Variants in RGS5 observed in about 807,000 individuals in gnomAD.
RGS5 encodes regulator of G protein signaling 5, also known as regulator of G-protein signalling 5.
In RGS5, 20 loss-of-function variants were observed where a neutral mutation model predicts 18.9. The observed-to-expected ratio is 1.06, with a 90% CI of 0.74 to 1.54. The LOEUF is 1.54. RGS5 is among the 40% of genes most tolerant of loss of function. RGS5 has a pLI of 0.00. For synonymous variants in RGS5, 57 were observed against 76.2 expected, an observed-to-expected ratio of 0.75 and a Z score of 1.31; for missense variants, 201 against 211.8, an observed-to-expected ratio of 0.95 and a Z score of 0.32.
intron 2 of RGS5, among the ~76,000 whole-genome samples, chr1:163,229,831 C>T (rs988032449): frequency 1.3e-5 from 2 of 152,190 alleles, no homozygotes; most frequent in African/African-American, 4.8e-5. Flanking sequence ...TGATTACTCC[C>T]ACTAACATTT....
chr1:163,151,071 A>G (rs1657352580), intron 4 of RGS5, among the ~76,000 whole-genome samples: 1 of 152,200 alleles, frequency 6.6e-6, no homozygotes, highest in Non-Finnish European at 1.5e-5. Flanking sequence ...CATGATGAAC[A>G]GGGCTTGCTG....
intron 2 of RGS5, among the ~76,000 whole-genome samples, chr1:163,290,451 A>C (rs1244688033): frequency 6.6e-6 from 1 of 152,296 alleles, no homozygotes; most frequent in South Asian, 2.1e-4. Context: ...CTATTGCATA[A>C]CATTTCTTCA....
rs1026995196 is a variant in RGS5 at position 163,180,686 on chromosome 1, G to GTTTTTTTTTTTTTTTTTTTTTTTTTTTT, written c.45-12319_45-12318insAAAAAAAAAAAAAAAAAAAAAAAAAAAA. On this transcript the variant is annotated intron_variant, in intron 1 of 4. Transcript: ENST00000313961. ...CCCTTTGTAATAAAGCCCTTACCCT[G>GTTTTTTTTTTTTTTTTTTTTTTTTTTTT]TTTTTTTTTTTTTTTTTTTTTTTTT... 4.0e-4 allele frequency among the ~76,000 whole-genome samples: 25 copies of GTTTTTTTTTTTTTTTTTTTTTTTTTTTT among 61,982 alleles called. 6 individuals are homozygous for GTTTTTTTTTTTTTTTTTTTTTTTTTTTT. Among genetic ancestry groups the GTTTTTTTTTTTTTTTTTTTTTTTTTTTT allele is most frequent in the East Asian group, 8.7e-4 (2 of 2,302 alleles). The allele number at this position is 61,982 out of a possible 152,430, so 40.7% of individuals were successfully genotyped here. A position where few individuals can be genotyped will look rare whatever the true frequency, so the allele number is the denominator to read the frequency against.
intron 1 of RGS5, among the ~76,000 whole-genome samples, chr1:163,180,718 G>T (rs148685766): frequency 2.1e-5 from 1 of 46,770 alleles, no homozygotes; most frequent in Non-Finnish European, 4.2e-5. Context: ...TTTTTGAGAC[G>T]GAGTCTCGCT....
chr1:163,209,862 T>C lies in RGS5; in HGVS notation c.69+7664A>G, dbSNP rs562020141. The stretch of plus-strand genomic sequence containing the variant: ...TTTTCTTTATGTTATCTAATATCTA[T>C]AGTACAATATTGAGAAGGGCATATT... On this transcript the variant is annotated intron_variant, in intron 1 of 5. Coordinates refer to the RGS5 transcript ENST00000367903. Among the ~76,000 whole-genome samples, 13 of 152,332 alleles carry C rather than the reference T, an allele frequency of 8.5e-5. 1 individual carries two copies. In the South Asian group the frequency reaches 2.3e-3, roughly 27 times the overall value.
intron 2 of RGS5, among the ~76,000 whole-genome samples, chr1:163,253,449 C>T (rs1051141794): frequency 2.3e-4 from 33 of 144,406 alleles, no homozygotes; most frequent in African/African-American, 6.6e-4. Context: ...GTTGGGATTA[C>T]AGGTACACGC....
chr1:163,227,307 A>G (rs894139649), intron 2 of RGS5, among the ~76,000 whole-genome samples: 2 of 152,244 alleles, frequency 1.3e-5, no homozygotes, highest in African/African-American at 4.8e-5. Flanking sequence ...TCACAGTTCC[A>G]CATGGTTGGG....
chr1:163,175,756 A>G (rs1056898306), intron 1 of RGS5, among the ~76,000 whole-genome samples: 1 of 152,224 alleles, frequency 6.6e-6, no homozygotes, highest in Non-Finnish European at 1.5e-5. Context: ...TAAAACATGT[A>G]TTTATTTTCT....
chr1:163,242,842 C>T (rs911641033), intron 2 of RGS5, among the ~76,000 whole-genome samples: 8 of 152,148 alleles, frequency 5.3e-5, no homozygotes, highest in African/African-American at 1.9e-4. Flanking sequence ...GCAGTAGTGA[C>T]ATGATCAGAT....
chr1:163,179,718 G>A (rs1422797758), intron 1 of RGS5, among the ~76,000 whole-genome samples: 1 of 152,142 alleles, frequency 6.6e-6, no homozygotes, highest in East Asian at 1.9e-4. Context: ...AAGGAAATAA[G>A]TTTAGTGAGA....
chr1:163,165,650 A>C (rs1404389795), intron 2 of RGS5, among the ~76,000 whole-genome samples: 4 of 152,174 alleles, frequency 2.6e-5, no homozygotes, highest in Non-Finnish European at 5.9e-5. Context: ...TCACGCCTGT[A>C]ATCCCAGCAC....
rs144876563 is a variant in RGS5 at position 163,295,500 on chromosome 1, A to T, written c.-281+10733T>A. On this transcript the variant is annotated intron_variant, in intron 2 of 5. Transcript: ENST00000618415. ...CTTAAAATAATTATTTGATGCTATG[A>T]CTATTATATTCCTCATTTAACAAGG... 3.5e-3 allele frequency among the ~76,000 whole-genome samples: 534 copies of T among 152,036 alleles called. 2 individuals are homozygous for T. The highest frequency in any genetic ancestry group is 0.012 in the African/African-American group (496 of 41,494).
At chr1:163,270,352 G>GAAAAAAAAAAAAAAAAAAAAAAA (rs59181379) in intron 2 of RGS5, among the ~76,000 whole-genome samples, 1 of 94,700 alleles carries the variant, frequency 1.1e-5, no homozygotes, top group Non-Finnish European at 2.0e-5. Flanking sequence ...TCTCTATTGA[G>GAAAAAAAAAAAAAAAAAAAAAAA]AAAAAAAAAA....
chr1:163,164,326 G>C (rs184212732), intron 2 of RGS5, among the ~76,000 whole-genome samples: 1 of 152,206 alleles, frequency 6.6e-6, no homozygotes, highest in African/African-American at 2.4e-5. Context: ...GTTTCTGTGC[G>C]TGGGAGTGTG....
chr1:163,153,350 G>A (rs1022460056), intron 3 of RGS5, among the ~76,000 whole-genome samples: 2 of 152,110 alleles, frequency 1.3e-5, no homozygotes, highest in African/African-American at 2.4e-5. Flanking sequence ...ACGATGAAAG[G>A]AAAACTGTAT....
intron 3 of RGS5, among the ~76,000 whole-genome samples, 175 bp from the exon 4 acceptor site, chr1:163,152,891 T>G (rs548591909): frequency 6.6e-6 from 1 of 152,288 alleles, no homozygotes; most frequent in South Asian, 2.1e-4. Context: ...GAGACAGAGA[T>G]GGAAGATAGA....
At chr1:163,316,286 A>C (rs1338226384) in intron 1 of RGS5, among the ~76,000 whole-genome samples, 1 of 152,214 alleles carries the variant, frequency 6.6e-6, no homozygotes, top group Admixed American at 6.5e-5. Flanking sequence ...AACATTAGGC[A>C]GGTATAAAAC....
intron 2 of RGS5, among the ~76,000 whole-genome samples, chr1:163,277,434 C>G: frequency 6.6e-6 from 1 of 152,170 alleles, no homozygotes; most frequent in East Asian, 1.9e-4. Context: ...GTATCAGATA[C>G]TTTTTGGTTC....
At chr1:163,279,005 T>C (rs187671033) in intron 2 of RGS5, among the ~76,000 whole-genome samples, 14 of 151,962 alleles carry the variant, frequency 9.2e-5, no homozygotes, top group African/African-American at 2.9e-4. Flanking sequence ...TTTAAATACA[T>C]GCATCCAGAG....
Sources: gnomAD v4.1 joint callset for allele counts (sites outside exome capture counted in the v4.1 genomes callset) on GRCh38, gnomAD v4.1.1 for gene constraint, MANE v1.5 for transcripts, NCBI Gene and HGNC (gene_info 2026-07-23, HGNC 2026-07-21) for gene names.